CHMP3: variants seen among roughly 807,000 people sequenced by gnomAD.
CHMP3 encodes 25.1 protein.
Under a neutral mutation model 27.4 loss-of-function variants are expected in CHMP3, and 8 were observed. The observed-to-expected ratio is 0.29, with a 90% confidence interval of 0.17 to 0.53. The LOEUF is 0.53. Ranked by LOEUF, CHMP3 falls within the 20% of genes least tolerant of loss-of-function variation. The pLI, the probability that CHMP3 is intolerant of heterozygous loss-of-function variation, is 0.96. For synonymous variants in CHMP3, 86 were observed against 85.5 expected (o/e 1.01, Z -0.03); for missense variants, 208 against 271.5 (o/e 0.77, Z 1.64).
In CHMP3 at chr2:86,504,055, C is replaced by G. The variant is rs1310133869; in HGVS notation, c.*1749G>C. The G allele has an allele frequency of 2.0e-5, 3 of 152,076 alleles. No individual in the cohort carries two copies. The highest frequency in any genetic ancestry group is 4.4e-5 in the Non-Finnish European group (3 of 68,028). 9.4% of individuals were successfully genotyped at this position (152,076 alleles called of 1,614,324 possible). On this transcript the variant is annotated 3_prime_UTR_variant, in exon 6 of 6. Coordinates refer to ENST00000263856, the MANE Select transcript of CHMP3 (RefSeq NM_016079.4). Reference sequence around the variant, plus strand: ...GTCACGAGTTTACCTGCACATGTACCCCCTGAACCTAATTTTTTTTTTAAA... The same window carrying G: ...GTCACGAGTTTACCTGCACATGTACGCCCTGAACCTAATTTTTTTTTTAAA...
chr2:86,521,239 C>G (rs1675511970), intron 3 of CHMP3, among the ~76,000 whole-genome samples: 1 of 152,140 alleles, frequency 6.6e-6, no homozygotes, highest in African/African-American at 2.4e-5. Context: ...AAATAAACAG[C>G]TTTATTGCTC....
At position 86,563,300 on chromosome 2, in the gene CHMP3, T is replaced by A; in HGVS notation, c.45+4A>T. ...CGCTTATCTGCCGCCGCCGTAGCCC[T>A]TACCAGTTCTTTGGGCGGCTTCTCC... On this transcript the variant is annotated splice_donor_region_variant and intron_variant, in intron 1 of 5. Coordinates refer to ENST00000263856, the MANE Select transcript of CHMP3 (RefSeq NM_016079.4). 1 of 1,614,034 alleles carries A rather than the reference T, an allele frequency of 6.2e-7. No homozygotes were observed.
intron 1 of CHMP3, among the ~76,000 whole-genome samples, chr2:86,549,741 G>A (rs1337015861): frequency 2.5e-5 from 3 of 120,462 alleles, no homozygotes; most frequent in South Asian, 2.8e-4. Flanking sequence ...CACCCACTTC[G>A]CAGACGGGGC....
intron 1 of CHMP3, chr2:86,562,286 T>C (rs1677402735): frequency 6.6e-6 from 1 of 152,156 alleles, no homozygotes; most frequent in African/African-American, 2.4e-5. Context: ...ATTTTTTTTT[T>C]CCATTATGGA....
At chr2:86,533,432 C>T (rs993366346) in intron 2 of CHMP3, among the ~76,000 whole-genome samples, 3 of 151,788 alleles carry the variant, frequency 2.0e-5, no homozygotes, top group Non-Finnish European at 4.4e-5. Context: ...TTATTATTTT[C>T]TTCCTTCTGC....
chr2:86,505,875 A>G lies in CHMP3; in HGVS notation c.598T>C (p.Ser200Pro). ...TCTTCCTCCTCCTCCTCATCCTCTG[A>G]GGCAGCCATCGCTCCTGGAGGTTCT... is the stretch of plus-strand genomic sequence containing the variant. ...EPEPPGAMAA[S>P]EDEEEEEEAL... The change falls in exon 6 of 6, where the codon TCA (serine) becomes CCA (proline). Residue 200 changes from serine (S) to proline (P), a missense_variant. This residue lies in a region of CHMP3 where 62 missense variants were observed against 68.4 expected (regional missense o/e 0.91). Transcript: ENST00000263856. 1 of 1,602,914 alleles carries G rather than the reference A, an allele frequency of 6.2e-7. No individual in the cohort carries two copies. Among genetic ancestry groups the G allele is most frequent in the Non-Finnish European group, 8.5e-7 (1 of 1,174,424 alleles).
intron 3 of CHMP3, among the ~76,000 whole-genome samples, chr2:86,524,436 G>A (rs1675625895): frequency 1.3e-5 from 2 of 152,066 alleles, no homozygotes; most frequent in South Asian, 4.1e-4. Context: ...CAACAACAAC[G>A]AAAATGAAAG....
chr2:86,560,018 G>GC (rs765362116), intron 1 of CHMP3, among the ~76,000 whole-genome samples: 1 of 152,264 alleles, frequency 6.6e-6, no homozygotes, highest in Non-Finnish European at 1.5e-5. Flanking sequence ...TGTAATCCCA[G>GC]ACTTTCGGAG....
chr2:86,522,206 C>T (rs1206728001), intron 3 of CHMP3, among the ~76,000 whole-genome samples: 1 of 152,154 alleles, frequency 6.6e-6, no homozygotes, highest in East Asian at 1.9e-4. Flanking sequence ...ATGACTTTGT[C>T]AAATCTTGGC....
chr2:86,557,203 C>T (rs1005346182), intron 1 of CHMP3, among the ~76,000 whole-genome samples: 6 of 152,210 alleles, frequency 3.9e-5, no homozygotes, highest in South Asian at 2.1e-4. Context: ...TCCATTTCAG[C>T]TCATGGCACT....
intron 1 of CHMP3, among the ~76,000 whole-genome samples, chr2:86,553,678 G>A (rs1316055578): frequency 6.6e-6 from 1 of 152,076 alleles, no homozygotes; most frequent in Non-Finnish European, 1.5e-5. Flanking sequence ...CACAAACCTC[G>A]CTGAATCCTA....
At position 86,529,342 on chromosome 2, in the gene CHMP3, C is replaced by T. The variant is rs144109597; in HGVS notation, c.162G>A (p.Lys54=). 1.9e-5 allele frequency: 30 copies of T among 1,611,486 alleles called. No homozygotes were observed. The African/African-American group carries it at 3.5e-4, about 19-fold the overall frequency. The part of the protein sequence containing the change: ...VKRSVKDAAK[K]GQKDVCIVLA... ...GAACTATGCAGACATCCTTCTGGCCCTTCTTGGCAGCATCTTTCACAGATC... is the reference window on the plus strand; with the variant it reads ...GAACTATGCAGACATCCTTCTGGCCTTTCTTGGCAGCATCTTTCACAGATC... Residue 54 remains lysine, a synonymous_variant, in exon 3 of 6, where the codon AAG becomes AAA. Coordinates refer to ENST00000263856, the MANE Select transcript of CHMP3 (RefSeq NM_016079.4).
chr2:86,515,327 TCTTTC>T (rs1445041355), intron 3 of CHMP3: 1 of 152,300 alleles, frequency 6.6e-6, no homozygotes, highest in Non-Finnish European at 1.5e-5. Context: ...TTTCTTTCTT[TCTTTC>T]TTTTTCTTTT....
At chr2:86,523,999 A>G (rs1266630801) in intron 3 of CHMP3, among the ~76,000 whole-genome samples, 1 of 152,208 alleles carries the variant, frequency 6.6e-6, no homozygotes, top group African/African-American at 2.4e-5. Flanking sequence ...AAAATTGATC[A>G]TGATAATGAT....
intron 4 of CHMP3, among the ~76,000 whole-genome samples, chr2:86,509,464 A>C (rs1316416806): frequency 6.6e-6 from 1 of 152,148 alleles, no homozygotes; most frequent in Non-Finnish European, 1.5e-5. Flanking sequence ...CCATGCCCTA[A>C]ACCCTGTACA....
At chr2:86,550,057 G>C (rs1390468248) in intron 1 of CHMP3, among the ~76,000 whole-genome samples, 1 of 152,240 alleles carries the variant, frequency 6.6e-6, no homozygotes, top group Non-Finnish European at 1.5e-5. Flanking sequence ...AGCGAGCTGA[G>C]ATCACGCCAC....
intron 3 of CHMP3, among the ~76,000 whole-genome samples, chr2:86,527,787 C>T (rs1279290378): frequency 6.6e-6 from 1 of 151,954 alleles, no homozygotes; most frequent in Non-Finnish European, 1.5e-5. Context: ...ATGGCGAAAC[C>T]CCGTCTCTAC....
chr2:86,559,238 T>C (rs1422554195), intron 1 of CHMP3, among the ~76,000 whole-genome samples: 1 of 152,228 alleles, frequency 6.6e-6, no homozygotes, highest in Non-Finnish European at 1.5e-5. Context: ...CTCCTGCTCT[T>C]AGACATCAGA....
chr2:86,517,631 G>A (rs968651453), intron 3 of CHMP3, among the ~76,000 whole-genome samples: 1 of 150,980 alleles, frequency 6.6e-6, no homozygotes, highest in Admixed American at 6.6e-5. Flanking sequence ...AAAATATTCT[G>A]AAAAGAATCT....
Sources: gnomAD v4.1 joint callset for allele counts (sites outside exome capture counted in the v4.1 genomes callset) on GRCh38, gnomAD v4.1.1 for gene constraint, gnomAD v4.1.1 regional missense constraint, MANE v1.5 for transcripts, NCBI Gene and HGNC (gene_info 2026-07-23, HGNC 2026-07-21) for gene names.